The following CDH13 variants were observed in gnomAD, a reference collection of about 807,000 sequenced individuals.
The protein encoded by CDH13 is cadherin-13.
CDH13 carries 24 observed loss-of-function variants against 63.8 expected under a neutral mutation model. That is an observed-to-expected ratio of 0.38 (90% confidence interval 0.27 to 0.53). The LOEUF (loss-of-function observed/expected upper bound fraction) is 0.53. Among genes scored for constraint, CDH13 ranks in the 20% least tolerant of loss-of-function variants. The probability of loss-of-function intolerance (pLI) is 0.85; values close to 1 mark genes in which losing one functional copy is unlikely to be tolerated. For missense variants in CDH13, 1,049 were observed against 903.1 expected (o/e 1.16, Z -2.07); for synonymous variants, 503 against 355.3 (o/e 1.42, Z -4.67).
chr16:83,477,177 G>C (rs1274326793), intron 6 of CDH13, among the ~76,000 whole-genome samples: 2 of 152,174 alleles, frequency 1.3e-5, no homozygotes, highest in Non-Finnish European at 2.9e-5. Flanking sequence ...TCACAAGGTG[G>C]TCCTGTTGCC....
chr16:82,920,967 T>A (rs1292490117), intron 2 of CDH13, among the ~76,000 whole-genome samples: 1 of 152,216 alleles, frequency 6.6e-6, no homozygotes, highest in Non-Finnish European at 1.5e-5. Context: ...TTATCAAATT[T>A]TTTTTCTGCA....
intron 1 of CDH13, among the ~76,000 whole-genome samples, chr16:82,690,410 A>C (rs1337856804): frequency 6.6e-6 from 1 of 152,168 alleles, no homozygotes; most frequent in Admixed American, 6.5e-5. Context: ...CAAAAAATTA[A>C]TATCTAAGAG....
intron 7 of CDH13, among the ~76,000 whole-genome samples, chr16:83,514,997 A>G (rs1469774372): frequency 1.3e-5 from 2 of 152,180 alleles, no homozygotes; most frequent in Non-Finnish European, 2.9e-5. Context: ...CTGAAAGATC[A>G]TGTCTTACCC....
intron 1 of CDH13, among the ~76,000 whole-genome samples, chr16:82,773,773 G>GTTT (rs2035366024): frequency 6.6e-6 from 1 of 150,478 alleles, no homozygotes; most frequent in Admixed American, 6.7e-5. Context: ...TGTGAATATT[G>GTTT]TTTTTCTTCT....
At chr16:82,822,868 G>C (rs1187030452) in intron 1 of CDH13, among the ~76,000 whole-genome samples, 1 of 152,148 alleles carries the variant, frequency 6.6e-6, no homozygotes, top group African/African-American at 2.4e-5. Context: ...CACAGTGTAG[G>C]GATTGTCTGG....
chr16:82,701,163 C>T (rs925850227), intron 1 of CDH13, among the ~76,000 whole-genome samples: 19 of 152,042 alleles, frequency 1.2e-4, no homozygotes, highest in Admixed American at 1.2e-3. Context: ...TCTTTCTCTT[C>T]CTCACCTTCT....
intron 2 of CDH13, among the ~76,000 whole-genome samples, chr16:82,998,914 C>A (rs1012698585): frequency 3.6e-5 from 5 of 139,362 alleles, no homozygotes; most frequent in Non-Finnish European, 7.7e-5. Flanking sequence ...TAACTTTCAC[C>A]AACACTTTTC....
intron 6 of CDH13, among the ~76,000 whole-genome samples, chr16:83,376,798 T>G (rs2091467696): frequency 6.6e-6 from 1 of 152,138 alleles, no homozygotes; most frequent in Non-Finnish European, 1.5e-5. Flanking sequence ...GGGACATTGA[T>G]TTGACCAATA....
chr16:83,350,427 C>G (rs768470255), intron 6 of CDH13, among the ~76,000 whole-genome samples: 4 of 152,242 alleles, frequency 2.6e-5, no homozygotes, highest in Non-Finnish European at 2.9e-5. Flanking sequence ...ATGCACATTG[C>G]TTAGGCATGT....
intron 6 of CDH13, among the ~76,000 whole-genome samples, chr16:83,353,776 A>C (rs953061234): frequency 6.6e-6 from 1 of 152,152 alleles, no homozygotes; most frequent in African/African-American, 2.4e-5. Context: ...TATCATTCAC[A>C]TTAGACCTTT....
At chr16:83,720,637 C>T (rs1204603814) in intron 10 of CDH13, among the ~76,000 whole-genome samples, 1 of 152,130 alleles carries the variant, frequency 6.6e-6, no homozygotes, top group Admixed American at 6.5e-5. Context: ...TGTATCATTT[C>T]AGGCAGACCA....
At chr16:82,879,558 T>C (rs2040621156) in intron 2 of CDH13, among the ~76,000 whole-genome samples, 1 of 142,824 alleles carries the variant, frequency 7.0e-6, no homozygotes, top group African/African-American at 2.5e-5. Flanking sequence ...TATATACATA[T>C]ATTGTATATT....
chr16:82,851,212 A>C (rs1416583248), intron 1 of CDH13, among the ~76,000 whole-genome samples: 1 of 152,004 alleles, frequency 6.6e-6, no homozygotes, highest in Admixed American at 6.5e-5. Flanking sequence ...GAGGCGGGCG[A>C]ATCGCAAGGT....
chr16:83,094,615 G>GCCTC (rs2034102216), intron 3 of CDH13, among the ~76,000 whole-genome samples: 1 of 151,864 alleles, frequency 6.6e-6, no homozygotes, highest in Non-Finnish European at 1.5e-5. Context: ...GTTTATAGCT[G>GCCTC]TCAGCCTCCA....
intron 4 of CDH13, among the ~76,000 whole-genome samples, chr16:83,200,773 C>T (rs1029430636): frequency 5.3e-5 from 8 of 152,178 alleles, no homozygotes; most frequent in African/African-American, 7.2e-5. Context: ...ATGATCTTCT[C>T]TTGTTGAGCT....
At chr16:82,658,415 G>C (rs1270138252) in intron 1 of CDH13, among the ~76,000 whole-genome samples, 1 of 152,198 alleles carries the variant, frequency 6.6e-6, no homozygotes, top group African/African-American at 2.4e-5. Context: ...TGTTCAACAA[G>C]CCTTGCATAC....
intron 1 of CDH13, among the ~76,000 whole-genome samples, chr16:82,845,782 T>A (rs2039231928): frequency 6.6e-6 from 1 of 152,188 alleles, no homozygotes; most frequent in Admixed American, 6.5e-5. Flanking sequence ...AATTCATAAA[T>A]AGATGCAAAT....
intron 10 of CDH13, among the ~76,000 whole-genome samples, chr16:83,686,759 C>T (rs749591977): frequency 6.6e-6 from 1 of 151,902 alleles, no homozygotes; most frequent in Non-Finnish European, 1.5e-5. Flanking sequence ...GTGAGGCCAC[C>T]AAAGACAGAG....
intron 2 of CDH13, among the ~76,000 whole-genome samples, chr16:82,891,345 C>T (rs942979464): frequency 1.3e-5 from 2 of 152,148 alleles, no homozygotes; most frequent in African/African-American, 4.8e-5. Flanking sequence ...ATCTGCACTG[C>T]ATTTTAGGAG....
Sources: allele counts gnomAD v4.1 joint callset (sites outside exome capture counted in the v4.1 genomes callset), GRCh38; gene constraint gnomAD v4.1.1; transcripts MANE v1.5; gene names NCBI Gene and HGNC (gene_info 2026-07-23, HGNC 2026-07-21).